Variants in MIOS observed in about 807,000 individuals in gnomAD.
MIOS encodes meiosis regulator for oocyte development.
MIOS carries 52 observed loss-of-function variants against 96.9 expected under a neutral mutation model. The observed-to-expected ratio is 0.54, with a 90% CI of 0.43 to 0.68. MIOS has a LOEUF of 0.68. Ranked by LOEUF, MIOS falls within the 30% of genes least tolerant of loss-of-function variation. MIOS has a pLI of 0.00. For missense variants in MIOS, 1,005 were observed against 1,052.8 expected, an observed-to-expected ratio of 0.95 and a Z score of 0.63; for synonymous variants, 397 against 359.5, an observed-to-expected ratio of 1.10 and a Z score of -1.18.
chr7:7,599,088 A>G (rs998433126), intron 11 of MIOS, among the ~76,000 whole-genome samples: 23 of 152,162 alleles, frequency 1.5e-4, no homozygotes, highest in African/African-American at 5.3e-4. Context: ...GATATTTTCT[A>G]GAAAATAAAT....
intron 5 of MIOS, among the ~76,000 whole-genome samples, chr7:7,579,072 T>C (rs964141986): frequency 1.3e-5 from 2 of 152,244 alleles, no homozygotes; most frequent in Non-Finnish European, 2.9e-5. Context: ...GTAAAACGTT[T>C]TCTGTTATTT....
chr7:7,570,827 G>A (rs893729497), intron 3 of MIOS, among the ~76,000 whole-genome samples: 7 of 152,134 alleles, frequency 4.6e-5, no homozygotes, highest in Admixed American at 1.3e-4. Context: ...AACAGATGAC[G>A]CTTAGCTCCC....
intron 8 of MIOS, among the ~76,000 whole-genome samples, chr7:7,588,837 A>G (rs933258391): frequency 2.0e-5 from 3 of 152,170 alleles, no homozygotes; most frequent in Non-Finnish European, 4.4e-5. Flanking sequence ...TAGTGATGCT[A>G]TGAAAGGGTT....
At chr7:7,587,824 C>T (rs976767050) in intron 7 of MIOS, among the ~76,000 whole-genome samples, 2 of 152,138 alleles carry the variant, frequency 1.3e-5, no homozygotes, top group African/African-American at 2.4e-5. Context: ...CTTTTTTCCA[C>T]CCTTAAATTA....
chr7:7,574,649 ATGGCC>A (rs1172383683), intron 5 of MIOS, among the ~76,000 whole-genome samples: 1 of 152,164 alleles, frequency 6.6e-6, no homozygotes, highest in Non-Finnish European at 1.5e-5. Flanking sequence ...GATATGAAAT[ATGGCC>A]TAACGTGGAG....
chr7:7,589,690 C>A, intron 9 of MIOS, 127 bp downstream of exon 9: 1 of 971,536 alleles, frequency 1.0e-6, no homozygotes, highest in Non-Finnish European at 1.5e-6. Context: ...TTAACCTAAT[C>A]AGTTGATCTA....
chr7:7,583,489 T>C, intron 6 of MIOS, 117 bp downstream of exon 6: 3 of 1,170,840 alleles, frequency 2.6e-6, no homozygotes, highest in Non-Finnish European at 3.5e-6. Context: ...AATTTTAATT[T>C]AATTTTTGTT....
chr7:7,588,506 C>G lies in MIOS; in HGVS notation c.1827C>G (p.Asn609Lys), dbSNP rs764148602. The change falls in exon 8 of 13, where the codon AAC (asparagine) becomes AAG (lysine). Residue 609 changes from asparagine (N) to lysine (K), a missense_variant. Around this residue, in one of 3 missense-constraint regions of MIOS, gnomAD observed 865 missense variants for 887.9 expected, o/e 0.97. Coordinates refer to ENST00000340080, the MANE Select transcript of MIOS (RefSeq NM_019005.4). ...TTTTCTCTTCTTTCCAGTATGAAAA[C>G]AAAGTTGCAGTACGTGACAGAGTGG... The part of the protein sequence containing the change: ...TGSYDGVLYE[N>K]KVAVRDRVAF... 1.3e-6 allele frequency: 2 copies of G among 1,577,114 alleles called. No homozygotes were observed. Among genetic ancestry groups the G allele is most frequent in the Non-Finnish European group, 1.7e-6 (2 of 1,159,984 alleles).
rs184267858 is a variant in MIOS, at chr7:7,608,100, C to T, written c.*1008C>T. On this transcript the variant is annotated 3_prime_UTR_variant, in exon 13 of 13. Coordinates refer to ENST00000340080, the MANE Select transcript of MIOS (RefSeq NM_019005.4). ...GGGGAAATGGGGTCACTTCAGAGACCATTTTAGATGTAAGTTTTTAAATGT... is the reference window on the plus strand; with the variant it reads ...GGGGAAATGGGGTCACTTCAGAGACTATTTTAGATGTAAGTTTTTAAATGT... The T allele has an allele frequency of 2.0e-5, 3 of 152,042 alleles. No individual in the cohort carries two copies. The highest frequency in any genetic ancestry group is 4.4e-5 in the Non-Finnish European group (3 of 67,944). 9.4% of individuals were successfully genotyped at this position (152,042 alleles called of 1,614,324 possible).
At chr7:7,598,669 C>T (rs1439995789) in intron 11 of MIOS, among the ~76,000 whole-genome samples, 2 of 151,396 alleles carry the variant, frequency 1.3e-5, no homozygotes, top group Non-Finnish European at 2.9e-5. Context: ...TCTTTTGGAC[C>T]ATAAGCCTCA....
chr7:7,596,210 C>T (rs777088077), intron 10 of MIOS, 47 bp from the exon 11 acceptor site: 10 of 1,526,082 alleles, frequency 6.6e-6, no homozygotes, highest in Admixed American at 1.7e-5. Context: ...TTTAGCATTC[C>T]ATTATGGTTT....
At chr7:7,571,056 C>A (rs897582068) in intron 3 of MIOS, among the ~76,000 whole-genome samples, 3 of 152,150 alleles carry the variant, frequency 2.0e-5, no homozygotes, top group African/African-American at 7.2e-5. Flanking sequence ...GAGTCTATGC[C>A]AGGCTCTATA....
At chr7:7,575,107 G>A (rs986867700) in intron 5 of MIOS, among the ~76,000 whole-genome samples, 1 of 151,960 alleles carries the variant, frequency 6.6e-6, no homozygotes, top group African/African-American at 2.4e-5. Flanking sequence ...TCTAGGATTC[G>A]TTCTCTAACT....
intron 11 of MIOS, among the ~76,000 whole-genome samples, chr7:7,602,852 G>A (rs1784419516): frequency 6.6e-6 from 1 of 152,050 alleles, no homozygotes. Context: ...AAACAGCATG[G>A]TACTGGTACC....
Position 7,572,298 on chromosome 7 carries a change from G to C in MIOS, c.-40-138G>C, listed in dbSNP as rs1156755917. 3 of 473,300 alleles carry C rather than the reference G, an allele frequency of 6.3e-6. No homozygotes were observed. The highest frequency in any genetic ancestry group is 6.0e-5 in the African/African-American group (3 of 49,988). 29.3% of individuals were successfully genotyped at this position (473,300 alleles called of 1,614,324 possible). Reference sequence around the variant, plus strand: ...TAAATATTTTCTTGAATTCATAGCAGATAGAGAGAAGAAATACAAATATAT... The same window carrying C: ...TAAATATTTTCTTGAATTCATAGCACATAGAGAGAAGAAATACAAATATAT... On this transcript the variant is annotated intron_variant, in intron 3 of 12. Coordinates refer to ENST00000340080, the MANE Select transcript of MIOS (RefSeq NM_019005.4). This position sits in a 1 kb window ranked among gnomAD's most constrained non-coding sequence, Gnocchi z 4.8.
Position 7,573,779 on chromosome 7 carries a change from T to C in MIOS, c.1294+10T>C, listed in dbSNP as rs1224165070. 1 of 1,551,706 alleles carries C rather than the reference T, an allele frequency of 6.4e-7. No individual in the cohort carries two copies. The highest frequency in any genetic ancestry group is 8.7e-7 in the Non-Finnish European group (1 of 1,151,828). On this transcript the variant is annotated intron_variant, in intron 4 of 12. Coordinates refer to ENST00000340080, the MANE Select transcript of MIOS (RefSeq NM_019005.4). The surrounding 1 kb of genome is among the most constrained non-coding windows in gnomAD (Gnocchi z 5.0). ...TGGTATACTCTGCACTATATCCTTT[T>C]CATTGTGAATTTTGTGAGGTGAATC...
In MIOS at chr7:7,583,370, A is replaced by C. The variant is rs530412279; in HGVS notation, c.1646A>C (p.Lys549Thr). The change falls in exon 6 of 13, where the codon AAA becomes ACA. Residue 549 changes from lysine to threonine, a missense_variant and splice_region_variant. Physicochemically the swap from Lys to Thr is moderately conservative, Grantham distance 78 (BLOSUM62 -1). Around this residue, in one of 3 missense-constraint regions of MIOS, gnomAD observed 865 missense variants for 887.9 expected, o/e 0.97. Coordinates refer to ENST00000340080, the MANE Select transcript of MIOS (RefSeq NM_019005.4). ...CTGAATGAAGGGGCATCTTCTGAAA[A>C]AGGTATTAGGTTATAAACTAAGATA... is the stretch of plus-strand genomic sequence containing the variant. ...QILNEGASSE[K>T]GDLNLNVVAM... The C allele has an allele frequency of 2.5e-6, 4 of 1,604,842 alleles. No homozygotes were observed. Among genetic ancestry groups the C allele is most frequent in the African/African-American group, 1.3e-5 (1 of 74,850 alleles).
Position 7,591,384 on chromosome 7 carries a change from A to G in MIOS, c.2043+1821A>G, listed in dbSNP as rs529415206. ...TCATTGCAGCCTCCAGGCTCAAGCA[A>G]TCCTCCCACCTCAGCCTCCCAAGGA... is the stretch of plus-strand genomic sequence containing the variant. On this transcript the variant is annotated intron_variant, in intron 9 of 12. Transcript: ENST00000340080. Among the ~76,000 whole-genome samples the G allele has an allele frequency of 1.3e-4, 20 of 150,836 alleles. No homozygotes were observed. The East Asian group carries it at 1.6e-3, about 12-fold the overall frequency.
chr7:7,591,522 T>C (rs1280941952), intron 9 of MIOS, among the ~76,000 whole-genome samples: 1 of 151,996 alleles, frequency 6.6e-6, no homozygotes, highest in African/African-American at 2.4e-5. Context: ...TCAAGTGATC[T>C]GCCCGCCCCG....
Sources: allele counts gnomAD v4.1 joint callset (sites outside exome capture counted in the v4.1 genomes callset), GRCh38; gene constraint gnomAD v4.1.1; regional missense constraint gnomAD v4.1.1; non-coding constraint Gnocchi (gnomAD v3.1); transcripts MANE v1.5; gene names NCBI Gene and HGNC (gene_info 2026-07-23, HGNC 2026-07-21).